Variants in SMIM35 observed in about 807,000 individuals in gnomAD.
SMIM35 encodes small integral membrane protein 35.
At chr11:118,055,632 C>T (rs1944298848) in intron 1 of SMIM35, among the ~76,000 whole-genome samples, 1 of 152,206 alleles carries the variant, frequency 6.6e-6, no homozygotes, top group African/African-American at 2.4e-5. Context: ...GTCGGAGACT[C>T]TACTCTATGC....
chr11:118,007,910 T>C (rs2058130127), intron 4 of SMIM35, among the ~76,000 whole-genome samples: 1 of 150,694 alleles, frequency 6.6e-6, no homozygotes, highest in Admixed American at 6.6e-5. Context: ...TTGCTCTGTC[T>C]CCAGGCTGGA....
Position 118,070,554 on chromosome 11 carries a change from A to G in SMIM35, c.7+16197T>C, listed in dbSNP as rs78024535. On this transcript the variant is annotated intron_variant, in intron 1 of 4. Coordinates refer to ENST00000689828, the MANE Select transcript of SMIM35 (RefSeq NM_001394165.1). The stretch of plus-strand genomic sequence containing the variant: ...GGAGTTTATAGTGCATGTAGGATGG[A>G]AAGCAGTATGTCCCAGCTCCACTGT... 5.5e-3 allele frequency among the ~76,000 whole-genome samples: 840 copies of G among 152,334 alleles called. 10 individuals are homozygous for G. The highest frequency in any genetic ancestry group is 0.019 in the African/African-American group (798 of 41,584).
At chr11:118,061,323 C>T (rs1338697638) in intron 1 of SMIM35, among the ~76,000 whole-genome samples, 2 of 152,202 alleles carry the variant, frequency 1.3e-5, no homozygotes, top group Non-Finnish European at 2.9e-5. Context: ...GAAAATAATG[C>T]CCACCTCACA....
chr11:118,040,089 A>G (rs922637627), intron 1 of SMIM35, among the ~76,000 whole-genome samples: 1 of 150,670 alleles, frequency 6.6e-6, no homozygotes, highest in Non-Finnish European at 1.5e-5. Flanking sequence ...GATGGTGCAC[A>G]CCTGTAATCC....
At chr11:118,064,040 C>T (rs918931451) in intron 1 of SMIM35, among the ~76,000 whole-genome samples, 14 of 152,172 alleles carry the variant, frequency 9.2e-5, no homozygotes, top group African/African-American at 3.4e-4. Context: ...GAGTTGCGGT[C>T]TTGTGGCACT....
chr11:118,079,828 A>G (rs568728474), intron 1 of SMIM35, among the ~76,000 whole-genome samples: 2 of 152,338 alleles, frequency 1.3e-5, no homozygotes, highest in African/African-American at 4.8e-5. Context: ...ACTGGGGCAC[A>G]GAATCCAGAA....
intron 1 of SMIM35, among the ~76,000 whole-genome samples, chr11:118,048,946 CAAAAAAA>C (rs57261529): frequency 5.0e-5 from 3 of 60,490 alleles, no homozygotes; most frequent in Non-Finnish European, 9.1e-5. Flanking sequence ...TGAAGAGCTG[CAAAAAAA>C]AAAAAAAAAA....
At chr11:118,062,689 C>A (rs1393176828) in intron 1 of SMIM35, among the ~76,000 whole-genome samples, 1 of 152,214 alleles carries the variant, frequency 6.6e-6, no homozygotes, top group Non-Finnish European at 1.5e-5. Context: ...CTTTGTGTCT[C>A]TGAGTTTCTG....
intron 1 of SMIM35, among the ~76,000 whole-genome samples, chr11:118,084,157 C>G (rs1945365331): frequency 6.6e-6 from 1 of 152,126 alleles, no homozygotes; most frequent in Non-Finnish European, 1.5e-5. Flanking sequence ...TTCTCTCTCT[C>G]CCTCTTTTTC....
chr11:118,086,049 T>C (rs1390002141), intron 1 of SMIM35, among the ~76,000 whole-genome samples: 1 of 152,248 alleles, frequency 6.6e-6, no homozygotes, highest in Non-Finnish European at 1.5e-5. Flanking sequence ...GAACCAGGTC[T>C]GTCTTCAGTT....
At chr11:118,078,571 C>G (rs1443384909) in intron 1 of SMIM35, among the ~76,000 whole-genome samples, 1 of 152,182 alleles carries the variant, frequency 6.6e-6, no homozygotes, top group African/African-American at 2.4e-5. Context: ...AAGGAGGCGC[C>G]CCAAAGTTTG....
chr11:118,022,436 G>A (rs2058238717), intron 1 of SMIM35, among the ~76,000 whole-genome samples: 1 of 152,044 alleles, frequency 6.6e-6, no homozygotes, highest in African/African-American at 2.4e-5. Context: ...GAATTATATT[G>A]GAAAATAAAG....
At position 118,015,760 on chromosome 11, in the gene SMIM35, C is replaced by G. The variant is rs1243841443; in HGVS notation, c.57G>C (p.Leu19Phe). ...AGCCGAGGATGGACACGAGCAGCAG[C>G]AAGAGCCCCACGCCAAGGATCAGGC... ...TLGLILGVGLLLLLVSILGYS... is the reference protein window; with the variant it reads ...TLGLILGVGLFLLLVSILGYS... The change falls in exon 2 of 5, where the codon TTG becomes TTC. Residue 19 changes from leucine (L) to phenylalanine (F), a missense_variant. Leu to Phe is a conservative substitution (Grantham distance 22). Coordinates refer to ENST00000689828, the MANE Select transcript of SMIM35 (RefSeq NM_001394165.1). 5.0e-6 allele frequency: 2 copies of G among 399,488 alleles called. No individual in the cohort carries two copies. The highest frequency in any genetic ancestry group is 8.8e-6 in the Non-Finnish European group (2 of 226,524). The allele number at this position is 399,488 out of a possible 1,614,324, so 24.7% of individuals were successfully genotyped here. A position where few individuals can be genotyped will look rare whatever the true frequency, so the allele number is the denominator to read the frequency against.
chr11:118,017,701 TGG>T (rs1392152348), intron 1 of SMIM35, among the ~76,000 whole-genome samples: 1 of 151,948 alleles, frequency 6.6e-6, no homozygotes, highest in Non-Finnish European at 1.5e-5. Context: ...TACCTGAGAC[TGG>T]GTAATTTATA....
chr11:118,065,304 T>C (rs568079177), intron 1 of SMIM35, among the ~76,000 whole-genome samples: 23 of 152,334 alleles, frequency 1.5e-4, no homozygotes, highest in Non-Finnish European at 1.0e-4. Flanking sequence ...GTCACGTCCA[T>C]GATGGCTCAC....
At chr11:118,022,073 C>G (rs552074067) in intron 1 of SMIM35, among the ~76,000 whole-genome samples, 1 of 125,512 alleles carries the variant, frequency 8.0e-6, no homozygotes. Context: ...TGGAGTTTTG[C>G]TCTGTCACCA....
At chr11:118,080,347 G>A (rs920725817) in intron 1 of SMIM35, among the ~76,000 whole-genome samples, 1 of 152,192 alleles carries the variant, frequency 6.6e-6, no homozygotes, top group Admixed American at 6.5e-5. Flanking sequence ...AAGAGTGGTA[G>A]TATAGGGACA....
At chr11:118,040,285 G>T (rs1943980543) in intron 1 of SMIM35, among the ~76,000 whole-genome samples, 1 of 152,086 alleles carries the variant, frequency 6.6e-6, no homozygotes, top group African/African-American at 2.4e-5. Context: ...AACTAAAAGA[G>T]ATTTGCAAAC....
chr11:118,055,564 C>T (rs1159193335), intron 1 of SMIM35, among the ~76,000 whole-genome samples: 1 of 152,186 alleles, frequency 6.6e-6, no homozygotes, highest in East Asian at 1.9e-4. Context: ...TCCCCCACTA[C>T]TTGTTAAATA....
Sources: gnomAD v4.1 joint callset for allele counts (sites outside exome capture counted in the v4.1 genomes callset) on GRCh38, gnomAD v4.1.1 for gene constraint, MANE v1.5 for transcripts, NCBI Gene and HGNC (gene_info 2026-07-23, HGNC 2026-07-21) for gene names.